DLG4: variants seen among roughly 807,000 people sequenced by gnomAD.
DLG4 encodes disks large homolog 4.
DLG4 carries 7 observed loss-of-function variants against 93.8 expected under a neutral mutation model. The observed-to-expected ratio is 0.07, with a 90% CI of 0.04 to 0.14. The LOEUF is 0.14. Among genes scored for constraint, DLG4 ranks in the 10% least tolerant of loss-of-function variants. The probability of loss-of-function intolerance (pLI) is 1.00; values close to 1 mark genes in which losing one functional copy is unlikely to be tolerated. For synonymous variants in DLG4, 341 were observed against 387.6 expected, an observed-to-expected ratio of 0.88 and a Z score of 1.41; for missense variants, 545 against 992.9, an observed-to-expected ratio of 0.55 and a Z score of 6.06.
rs2069352875 is a variant in DLG4 at position 7,188,458 on chromosome 17, T to C, written c.*2250A>G. 6.6e-6 allele frequency among the ~76,000 whole-genome samples: 1 copy of C among 152,120 alleles called. No individual in the cohort carries two copies. The highest frequency in any genetic ancestry group is 1.5e-5 in the Non-Finnish European group (1 of 68,022). ...CCTCAGCCTTACCCACTGGAGCACC[T>C]GAGAATCAGAGAAAGGAATAGTACC... On this transcript the variant is annotated 3_prime_UTR_variant, in exon 20 of 20. Transcript: ENST00000399506.
chr17:7,213,442 C>G (rs1425515928), intron 1 of DLG4, among the ~76,000 whole-genome samples: 1 of 152,012 alleles, frequency 6.6e-6, no homozygotes, highest in African/African-American at 2.4e-5. Context: ...TAGATTACAC[C>G]CTTTTCTGTC....
intron 3 of DLG4, 50 bp from the exon 4 acceptor site, chr17:7,204,117 C>T (rs1394163532): frequency 6.3e-7 from 1 of 1,599,656 alleles, no homozygotes; most frequent in Non-Finnish European, 8.5e-7. Flanking sequence ...TCCTGTCTGA[C>T]CACCTGCCCG....
At chr17:7,218,346 C>A, upstream of DLG4, 1 of 1,536,474 alleles carries the variant, frequency 6.5e-7, no homozygotes, top group South Asian at 1.2e-5. Flanking sequence ...TCACCCCTGT[C>A]ATCACCGCTG....
chr17:7,203,928 G>A lies in DLG4; in HGVS notation c.210+80C>T. ...AGAGGAGGAAGGCACAGGGTGAGGG[G>A]CTAGCCACCCAGACCACATGGCAGA... On this transcript the variant is annotated intron_variant, in intron 4 of 19. Transcript: ENST00000399506. This position sits in a 1 kb window ranked among gnomAD's most constrained non-coding sequence, Gnocchi z 7.2. 5 of 1,587,124 alleles carry A rather than the reference G, an allele frequency of 3.2e-6. No individual in the cohort carries two copies. The South Asian group carries it at 3.4e-5, about 11-fold the overall frequency.
chr17:7,217,685 T>G, upstream of DLG4: 1 of 1,517,648 alleles, frequency 6.6e-7, no homozygotes, highest in Non-Finnish European at 8.8e-7. Context: ...GGGGGGTGCC[T>G]TGGCAGAGTT....
chr17:7,196,888 G>A lies in DLG4; in HGVS notation c.952C>T (p.Arg318Trp). The A allele has an allele frequency of 6.2e-7, 1 of 1,613,800 alleles. No individual in the cohort carries two copies. Among genetic ancestry groups the A allele is most frequent in the Non-Finnish European group, 8.5e-7 (1 of 1,179,822 alleles). The change falls in exon 9 of 20, where the codon CGG (arginine) becomes TGG (tryptophan). Residue 318 changes from arginine to tryptophan, a missense_variant. Physicochemically the swap from Arg to Trp is moderately radical, Grantham distance 101 (BLOSUM62 -3). This residue lies in a region of DLG4 where 428 missense variants were observed against 741.4 expected (regional missense o/e 0.58). Coordinates refer to ENST00000399506, the MANE Select transcript of DLG4 (RefSeq NM_001321075.3). The surrounding 1 kb of genome is among the most constrained non-coding windows in gnomAD (Gnocchi z 8.3). ...TTGAAGCCCAGGCCCGTGGAGCCCC[G>A]GTGGATCACAATTCGCCTCGGTTCT... ...PREPRRIVIHRGSTGLGFNIV... is the reference protein window; with the variant it reads ...PREPRRIVIHWGSTGLGFNIV...
chr17:7,202,173 C>T (rs977980072), intron 8 of DLG4, among the ~76,000 whole-genome samples: 12 of 152,212 alleles, frequency 7.9e-5, no homozygotes, highest in Non-Finnish European at 1.2e-4. Context: ...AACTCCTCGG[C>T]TCAAGCGATC....
chr17:7,207,678 A>G (rs932022350), intron 2 of DLG4, among the ~76,000 whole-genome samples: 1 of 151,960 alleles, frequency 6.6e-6, no homozygotes, highest in Non-Finnish European at 1.5e-5. Flanking sequence ...GGATGCACAC[A>G]CCTCAACACA....
rs542675223 is a variant in DLG4, at chr17:7,208,611, G to A, written c.31-372C>T. On this transcript the variant is annotated intron_variant, in intron 1 of 19. Coordinates refer to ENST00000399506, the MANE Select transcript of DLG4 (RefSeq NM_001321075.3). The surrounding 1 kb of genome is among the most constrained non-coding windows in gnomAD (Gnocchi z 5.4). ...TCCAGCTTCTCAGAGCTCTAGCCCCGACACTCACATCTCCATTCTCTGCCT... is the reference window on the plus strand; with the variant it reads ...TCCAGCTTCTCAGAGCTCTAGCCCCAACACTCACATCTCCATTCTCTGCCT... 2.6e-5 allele frequency among the ~76,000 whole-genome samples: 4 copies of A among 151,724 alleles called. No individual in the cohort carries two copies. Among genetic ancestry groups the A allele is most frequent in the Non-Finnish European group, 5.9e-5 (4 of 67,942 alleles).
At chr17:7,197,264 G>A (rs1303579511) in intron 8 of DLG4, among the ~76,000 whole-genome samples, 1 of 152,052 alleles carries the variant, frequency 6.6e-6, no homozygotes, top group Non-Finnish European at 1.5e-5. Context: ...TGTCCTAGGG[G>A]ATAAAGGATT....
At position 7,196,293 on chromosome 17, in the gene DLG4, G is replaced by T; in HGVS notation, c.1228C>A (p.Gln410Lys). The T allele has an allele frequency of 6.2e-7, 1 of 1,614,034 alleles. No individual in the cohort carries two copies. Among genetic ancestry groups the T allele is most frequent in the Non-Finnish European group, 8.5e-7 (1 of 1,179,900 alleles). Residue 410 changes from glutamine (Q) to lysine (K), a missense_variant, in exon 11 of 20, where the codon CAG (glutamine) becomes AAG (lysine). By Grantham distance (53) the Gln-to-Lys change is moderately conservative. This residue lies in a region of DLG4 where 428 missense variants were observed against 741.4 expected (regional missense o/e 0.58). Transcript: ENST00000399506. This position sits in a 1 kb window ranked among gnomAD's most constrained non-coding sequence, Gnocchi z 8.3. ...FEAKIHDLRE[Q>K]LMNSSLGSGT... ...GAGCCCAGGCTGCTGTTCATGAGCT[G>T]TTCCCGAAGGTCGTGGATCTTGGCC...
Position 7,190,699 on chromosome 17 carries a change from G to A in DLG4, c.*9C>T. ...GGCAGGGCGAGTCCAGGCCAAGCCA[G>A]GGCAGGAATCAGAGTCTCTCTCGGG... On this transcript the variant is annotated 3_prime_UTR_variant, in exon 20 of 20. Transcript: ENST00000399506. 1.9e-6 allele frequency: 3 copies of A among 1,611,914 alleles called. No individual in the cohort carries two copies. Among genetic ancestry groups the A allele is most frequent in the Non-Finnish European group, 2.5e-6 (3 of 1,178,026 alleles).
intron 1 of DLG4, among the ~76,000 whole-genome samples, chr17:7,210,805 A>T (rs955288513): frequency 6.6e-6 from 1 of 152,118 alleles, no homozygotes; most frequent in Non-Finnish European, 1.5e-5. Flanking sequence ...CCTGAATCTG[A>T]GGAGGAAATG....
intron 17 of DLG4, chr17:7,192,272 C>A (rs760202813): frequency 5.0e-6 from 2 of 403,828 alleles, no homozygotes; most frequent in Non-Finnish European, 8.8e-6. Context: ...ACCAGGCAGG[C>A]AGGGACCCAA....
intron 2 of DLG4, among the ~76,000 whole-genome samples, chr17:7,204,664 T>G (rs1434541765): frequency 1.3e-5 from 2 of 152,018 alleles, no homozygotes. Context: ...GTGCTACACA[T>G]GGACACCCCA....
At chr17:7,204,510 G>A in intron 2 of DLG4, 1 of 438,940 alleles carries the variant, frequency 2.3e-6, no homozygotes, top group Non-Finnish European at 4.0e-6. Flanking sequence ...CCCTGCATGT[G>A]GAAGGAGGTG....
intron 2 of DLG4, chr17:7,205,265 T>G: frequency 1.3e-6 from 1 of 786,308 alleles, no homozygotes; most frequent in Non-Finnish European, 1.5e-6. Context: ...AGGGTTAAAG[T>G]GGGGCGTGCC....
rs1483029253 is a variant in DLG4 at position 7,194,448 on chromosome 17, T to C, written c.1349A>G (p.Gln450Arg). The C allele has an allele frequency of 6.2e-7, 1 of 1,611,530 alleles. No individual in the cohort carries two copies. Among genetic ancestry groups the C allele is most frequent in the Non-Finnish European group, 8.5e-7 (1 of 1,178,974 alleles). ...DKTKDCGFLSQALSFRFGDVL... is the reference protein window; with the variant it reads ...DKTKDCGFLSRALSFRFGDVL... ...ATCCCCAAAGCGGAAGCTCAGGGCC[T>C]GGCTCAGGAAGCCGCAGTCCTTGGT... The change falls in exon 12 of 20, where the codon CAG becomes CGG. Residue 450 changes from glutamine to arginine, a missense_variant. Physicochemically the swap from Gln to Arg is conservative, Grantham distance 43 (BLOSUM62 1). Transcript: ENST00000399506. This position sits in a 1 kb window ranked among gnomAD's most constrained non-coding sequence, Gnocchi z 4.4.
At chr17:7,218,257 G>C (rs765908419), upstream of DLG4, 1 of 1,609,990 alleles carries the variant, frequency 6.2e-7, no homozygotes, top group Admixed American at 1.7e-5. Flanking sequence ...CTCTGAGAGG[G>C]AAGCCTCATA....
Sources: gnomAD v4.1 joint callset for allele counts (sites outside exome capture counted in the v4.1 genomes callset) on GRCh38, gnomAD v4.1.1 for gene constraint, gnomAD v4.1.1 regional missense constraint, Gnocchi (gnomAD v3.1) non-coding constraint, MANE v1.5 for transcripts, NCBI Gene and HGNC (gene_info 2026-07-23, HGNC 2026-07-21) for gene names.